AIDA: variants seen among roughly 807,000 people sequenced by gnomAD.
The protein encoded by AIDA is axin interactor, dorsalization-associated protein.
AIDA carries 18 observed loss-of-function variants against 42.7 expected under a neutral mutation model. The observed-to-expected ratio is 0.42, with a 90% CI of 0.29 to 0.63. The LOEUF (loss-of-function observed/expected upper bound fraction) is 0.63. Ranked by LOEUF, AIDA falls within the 20% of genes least tolerant of loss-of-function variation. The pLI is 0.19. For synonymous variants in AIDA, 104 were observed against 122.9 expected (o/e 0.85, Z 1.02); for missense variants, 250 against 354.1 (o/e 0.71, Z 2.36).
chr1:222,709,016 C>T (rs1655920686), intron 1 of AIDA, among the ~76,000 whole-genome samples: 1 of 152,178 alleles, frequency 6.6e-6, no homozygotes. Flanking sequence ...ACTAAGTATA[C>T]AGTAGAGAAC....
Position 222,670,361 on chromosome 1 carries a change from A to G in AIDA, c.707-111T>C, listed in dbSNP as rs1571920920. ...GAACAGCTACAGCTGGCATAATTTG[A>G]CAAAACAACTTGTGCCAGTCTCAAT... On this transcript the variant is annotated intron_variant, in intron 8 of 9. Transcript: ENST00000340020. The G allele has an allele frequency of 3.7e-6, 3 of 819,380 alleles. No homozygotes were observed. In the East Asian group the frequency reaches 8.0e-5, roughly 22 times the overall value. The allele number at this position is 819,380 out of a possible 1,614,324, so 50.8% of individuals were successfully genotyped here.
chr1:222,695,434 G>A (rs183120838), intron 2 of AIDA, among the ~76,000 whole-genome samples: 1 of 152,324 alleles, frequency 6.6e-6, no homozygotes, highest in African/African-American at 2.4e-5. Flanking sequence ...GGAGGTTGCA[G>A]TGAGCTGAAA....
At chr1:222,680,938 T>G (rs1032298597) in intron 6 of AIDA, among the ~76,000 whole-genome samples, 1 of 151,922 alleles carries the variant, frequency 6.6e-6, no homozygotes, top group Non-Finnish European at 1.5e-5. Flanking sequence ...TATAAGAAAT[T>G]TAAAAGGCTC....
At chr1:222,689,477 G>A (rs1421501657) in intron 4 of AIDA, among the ~76,000 whole-genome samples, 5 of 27,970 alleles carry the variant, frequency 1.8e-4, no homozygotes, top group South Asian at 3.4e-3. Context: ...GTATGTGTGT[G>A]TGTGTATATA....
At chr1:222,685,305 T>C (rs1664724762) in intron 6 of AIDA, among the ~76,000 whole-genome samples, 1 of 152,196 alleles carries the variant, frequency 6.6e-6, no homozygotes, top group South Asian at 2.1e-4. Context: ...AGTTAGGCAC[T>C]ATCATTATCC....
chr1:222,670,112 T>C, intron 9 of AIDA, 21 bp downstream of exon 9: 2 of 1,611,308 alleles, frequency 1.2e-6, no homozygotes, highest in Middle Eastern at 1.7e-4. Context: ...TTAGTACTAA[T>C]TCTATATGCA....
chr1:222,702,564 G>C (rs1360820245), intron 2 of AIDA, among the ~76,000 whole-genome samples: 1 of 152,100 alleles, frequency 6.6e-6, no homozygotes, highest in African/African-American at 2.4e-5. Flanking sequence ...AGGAGAAAAG[G>C]CACGATTGAA....
chr1:222,702,343 G>A (rs544798662), intron 2 of AIDA, among the ~76,000 whole-genome samples: 2 of 152,072 alleles, frequency 1.3e-5, no homozygotes, highest in Non-Finnish European at 2.9e-5. Context: ...TTTTCACACT[G>A]TCTTTTCTTA....
At chr1:222,704,850 A>G (rs1469928252) in intron 1 of AIDA, among the ~76,000 whole-genome samples, 1 of 152,200 alleles carries the variant, frequency 6.6e-6, no homozygotes, top group East Asian at 1.9e-4. Context: ...AAACTGGCAT[A>G]AGAATTTGAA....
chr1:222,693,766 A>G, intron 4 of AIDA, 23 bp downstream of exon 4: 1 of 1,582,986 alleles, frequency 6.3e-7, no homozygotes, highest in East Asian at 2.2e-5. Flanking sequence ...GAGTATCACA[A>G]AAAAATATAA....
intron 4 of AIDA, among the ~76,000 whole-genome samples, chr1:222,689,491 A>AG (rs1655295959): frequency 4.5e-5 from 2 of 43,974 alleles, no homozygotes; most frequent in Non-Finnish European, 8.6e-5. Flanking sequence ...GTATATATAT[A>AG]TATATATATA....
intron 4 of AIDA, among the ~76,000 whole-genome samples, 185 bp downstream of exon 4, chr1:222,693,604 G>A (rs1380036346): frequency 3.3e-5 from 5 of 152,038 alleles, no homozygotes; most frequent in East Asian, 1.9e-4. Flanking sequence ...ATTCTACAAC[G>A]AAGGTAAAAT....
intron 3 of AIDA, 99 bp downstream of exon 3, chr1:222,694,111 C>A: frequency 8.8e-7 from 1 of 1,137,778 alleles, no homozygotes; most frequent in Non-Finnish European, 1.3e-6. Flanking sequence ...TAAAACACTT[C>A]TGAGACAATA....
intron 1 of AIDA, among the ~76,000 whole-genome samples, chr1:222,708,728 G>T (rs943649228): frequency 7.9e-5 from 12 of 152,154 alleles, no homozygotes; most frequent in African/African-American, 2.4e-4. Context: ...TTGATCCTGT[G>T]AAATGTCTGA....
intron 6 of AIDA, among the ~76,000 whole-genome samples, chr1:222,683,766 A>T (rs1051489725): frequency 1.3e-5 from 2 of 152,254 alleles, no homozygotes; most frequent in Non-Finnish European, 2.9e-5. Flanking sequence ...CTTTCTATTT[A>T]AATGAAATCT....
intron 4 of AIDA, among the ~76,000 whole-genome samples, chr1:222,689,104 A>G (rs1463413336): frequency 6.6e-6 from 1 of 152,004 alleles, no homozygotes; most frequent in Non-Finnish European, 1.5e-5. Flanking sequence ...AAAAACAAAA[A>G]TTAAAATAGA....
At chr1:222,679,222 A>G (rs116657396) in intron 6 of AIDA, among the ~76,000 whole-genome samples, 84 of 152,238 alleles carry the variant, frequency 5.5e-4, no homozygotes, top group African/African-American at 2.0e-3. Flanking sequence ...TATCAAAGAT[A>G]AAAACATACA....
chr1:222,687,427 T>A (rs1414166216), intron 5 of AIDA, among the ~76,000 whole-genome samples, 168 bp downstream of exon 5: 1 of 152,038 alleles, frequency 6.6e-6, no homozygotes, highest in Non-Finnish European at 1.5e-5. Flanking sequence ...CAAGACTCCA[T>A]CTCAAAAAAA....
At chr1:222,697,478 A>G (rs2124964120) in intron 2 of AIDA, among the ~76,000 whole-genome samples, 1 of 151,598 alleles carries the variant, frequency 6.6e-6, no homozygotes, top group East Asian at 1.9e-4. Flanking sequence ...AAAAATGATT[A>G]AGAAGCACAA....
Sources: allele counts gnomAD v4.1 joint callset (sites outside exome capture counted in the v4.1 genomes callset), GRCh38; gene constraint gnomAD v4.1.1; transcripts MANE v1.5; gene names NCBI Gene and HGNC (gene_info 2026-07-23, HGNC 2026-07-21).